ADK: variants seen among roughly 807,000 people sequenced by gnomAD.
ADK encodes adenosine kinase.
ADK carries 24 observed loss-of-function variants against 44.7 expected under a neutral mutation model. That is an observed-to-expected ratio of 0.54 (90% confidence interval 0.39 to 0.76). ADK has a LOEUF of 0.76. ADK is among the 30% of genes least tolerant of loss of function. ADK has a pLI of 0.00. For missense variants in ADK, 321 were observed against 425.1 expected (o/e 0.76, Z 2.15); for synonymous variants, 128 against 142.6 (o/e 0.90, Z 0.73).
chr10:74,596,719 T>C (rs905942537), intron 8 of ADK, among the ~76,000 whole-genome samples: 1 of 152,112 alleles, frequency 6.6e-6, no homozygotes, highest in Non-Finnish European at 1.5e-5. Context: ...CAAATTTTTG[T>C]ATTTTTTTGT....
chr10:74,399,107 T>C (rs1247400487), intron 6 of ADK, among the ~76,000 whole-genome samples: 1 of 151,866 alleles, frequency 6.6e-6, no homozygotes, highest in Non-Finnish European at 1.5e-5. Flanking sequence ...TTTGAATTAT[T>C]AAGTCTTCTG....
At chr10:74,562,638 A>G (rs557404357) in intron 7 of ADK, among the ~76,000 whole-genome samples, 6 of 152,240 alleles carry the variant, frequency 3.9e-5, no homozygotes, top group African/African-American at 9.6e-5. Flanking sequence ...AGTCTTTACT[A>G]TGTTGCTGTA....
intron 6 of ADK, among the ~76,000 whole-genome samples, chr10:74,522,888 T>G (rs1014381055): frequency 6.6e-6 from 1 of 152,184 alleles, no homozygotes; most frequent in African/African-American, 2.4e-5. Flanking sequence ...CTCCAATAGA[T>G]CCTTTTCTTT....
intron 1 of ADK, among the ~76,000 whole-genome samples, chr10:74,170,716 C>T (rs1353209832): frequency 6.7e-6 from 1 of 148,780 alleles, no homozygotes; most frequent in East Asian, 2.0e-4. Context: ...AGGAGAATGG[C>T]GTGAATCTGG....
chr10:74,286,616 C>T (rs72818512), intron 3 of ADK, among the ~76,000 whole-genome samples: 1,570 of 152,312 alleles, frequency 0.01, 11 homozygotes, highest in Middle Eastern at 0.017. Flanking sequence ...AGCTGATAAT[C>T]TTGCTAGACA....
chr10:74,165,505 A>G (rs1842012044), intron 1 of ADK, among the ~76,000 whole-genome samples: 1 of 151,504 alleles, frequency 6.6e-6, no homozygotes, highest in Non-Finnish European at 1.5e-5. Context: ...TTAAGATAAG[A>G]ATAACATATT....
At chr10:74,340,046 GA>G (rs1264881273) in intron 4 of ADK, among the ~76,000 whole-genome samples, 2 of 152,242 alleles carry the variant, frequency 1.3e-5, no homozygotes, top group African/African-American at 4.8e-5. Context: ...ACCAGATGAT[GA>G]AATTCCCTTC....
At chr10:74,238,843 A>G (rs906789485) in intron 3 of ADK, among the ~76,000 whole-genome samples, 2 of 137,986 alleles carry the variant, frequency 1.4e-5, no homozygotes, top group Non-Finnish European at 3.1e-5. Context: ...GAAAACTGCC[A>G]CTTTAGCTAG....
At chr10:74,647,862 T>C (rs1004877977) in intron 9 of ADK, among the ~76,000 whole-genome samples, 12 of 152,210 alleles carry the variant, frequency 7.9e-5, no homozygotes, top group Non-Finnish European at 1.5e-4. Flanking sequence ...AGTAAGCTCA[T>C]TTGATACTAA....
At chr10:74,299,419 G>A (rs776040518) in intron 3 of ADK, among the ~76,000 whole-genome samples, 1 of 148,242 alleles carries the variant, frequency 6.7e-6, no homozygotes, top group African/African-American at 2.5e-5. Context: ...AGAACTGCTC[G>A]AACCTGGGAG....
chr10:74,223,400 T>G (rs1186361206), intron 2 of ADK, among the ~76,000 whole-genome samples: 1 of 152,216 alleles, frequency 6.6e-6, no homozygotes, highest in South Asian at 2.1e-4. Flanking sequence ...CGTTGGGGAT[T>G]AAATTTCAAC....
intron 6 of ADK, among the ~76,000 whole-genome samples, chr10:74,521,370 G>T (rs1322771396): frequency 6.6e-6 from 1 of 152,052 alleles, no homozygotes; most frequent in African/African-American, 2.4e-5. Context: ...TATTTTAAAG[G>T]AAAACACACA....
intron 7 of ADK, among the ~76,000 whole-genome samples, chr10:74,542,550 C>G (rs575268698): frequency 2.6e-4 from 40 of 152,000 alleles, no homozygotes; most frequent in African/African-American, 8.9e-4. Flanking sequence ...TTATATGGTT[C>G]TTAACATCAG....
At chr10:74,328,630 C>G (rs749333456) in intron 4 of ADK, among the ~76,000 whole-genome samples, 1 of 152,102 alleles carries the variant, frequency 6.6e-6, no homozygotes, top group Non-Finnish European at 1.5e-5. Context: ...TAAGTTCTTA[C>G]AAATCTGATG....
At chr10:74,216,699 TG>T (rs1310470959) in intron 2 of ADK, among the ~76,000 whole-genome samples, 2 of 142,118 alleles carry the variant, frequency 1.4e-5, no homozygotes, top group African/African-American at 2.7e-5. Context: ...TACTTCAGCC[TG>T]GGTGACAGAG....
intron 8 of ADK, among the ~76,000 whole-genome samples, chr10:74,591,597 A>G (rs1851721017): frequency 6.6e-6 from 1 of 152,200 alleles, no homozygotes; most frequent in Non-Finnish European, 1.5e-5. Context: ...GGCAGAGCAT[A>G]GGTTTGAAAC....
At chr10:74,649,809 G>A (rs989412651) in intron 9 of ADK, among the ~76,000 whole-genome samples, 2 of 152,094 alleles carry the variant, frequency 1.3e-5, no homozygotes, top group African/African-American at 4.8e-5. Context: ...TGCTAGATAA[G>A]ATGTTCACAT....
chr10:74,523,335 GCTTT>G (rs1478971351), intron 6 of ADK, among the ~76,000 whole-genome samples: 1 of 152,080 alleles, frequency 6.6e-6, no homozygotes, highest in Non-Finnish European at 1.5e-5. Context: ...CATACTAAGT[GCTTT>G]CTGTTAATCA....
chr10:74,352,454 C>T (rs923161032), intron 4 of ADK, among the ~76,000 whole-genome samples: 3 of 152,070 alleles, frequency 2.0e-5, no homozygotes, highest in East Asian at 3.9e-4. Flanking sequence ...AATGTAAAAC[C>T]GAAAACCATA....
Sources: allele counts gnomAD v4.1 joint callset (sites outside exome capture counted in the v4.1 genomes callset), GRCh38; gene constraint gnomAD v4.1.1; transcripts MANE v1.5; gene names NCBI Gene and HGNC (gene_info 2026-07-23, HGNC 2026-07-21).